The following ROR1 variants were observed in gnomAD, a reference collection of about 807,000 sequenced individuals.
ROR1 encodes inactive tyrosine-protein kinase transmembrane receptor ROR1.
Under a neutral mutation model 78.8 loss-of-function variants are expected in ROR1, and 19 were observed. That is an observed-to-expected ratio of 0.24 (90% CI 0.17 to 0.35). The LOEUF (loss-of-function observed/expected upper bound fraction) is 0.35, where lower values mean the gene tolerates loss of function less well. ROR1 is among the 10% of genes least tolerant of loss of function. ROR1 has a pLI of 1.00. For missense variants in ROR1, 917 were observed against 1,177.8 expected (o/e 0.78, Z 3.24); for synonymous variants, 386 against 433.6 (o/e 0.89, Z 1.36).
chr1:63,856,439 G>A (rs1421782415), intron 1 of ROR1, among the ~76,000 whole-genome samples: 1 of 152,100 alleles, frequency 6.6e-6, no homozygotes, highest in African/African-American at 2.4e-5. Context: ...CCCAGTGCTG[G>A]GTAGTTGCCA....
At chr1:64,010,591 ATT>A (rs2100544571) in intron 2 of ROR1, among the ~76,000 whole-genome samples, 1 of 152,264 alleles carries the variant, frequency 6.6e-6, no homozygotes, top group East Asian at 1.9e-4. Flanking sequence ...CTCAAAAGTC[ATT>A]GTCATAAATG....
intron 2 of ROR1, among the ~76,000 whole-genome samples, chr1:64,048,282 A>G (rs757873591): frequency 1.3e-5 from 2 of 152,208 alleles, no homozygotes; most frequent in Non-Finnish European, 2.9e-5. Context: ...GCCATGTTTC[A>G]TGCATTCAGT....
chr1:64,131,234 T>A (rs1382474700), intron 4 of ROR1, among the ~76,000 whole-genome samples: 1 of 152,104 alleles, frequency 6.6e-6, no homozygotes, highest in Admixed American at 6.6e-5. Flanking sequence ...AAACAGGGTG[T>A]ATGAAAGGGG....
chr1:64,085,212 C>T (rs944489304), intron 4 of ROR1, among the ~76,000 whole-genome samples: 3 of 152,138 alleles, frequency 2.0e-5, no homozygotes, highest in Non-Finnish European at 4.4e-5. Context: ...TGTAAAAGTG[C>T]CAAAGCAATA....
chr1:63,831,885 T>C lies in ROR1; in HGVS notation c.91+57377T>C, dbSNP rs189557342. Among the ~76,000 whole-genome samples, 223 of 152,370 alleles carry C rather than the reference T, an allele frequency of 1.5e-3. 3 individuals carry two copies. Among genetic ancestry groups the C allele is most frequent in the African/African-American group, 4.5e-3 (188 of 41,592 alleles). On this transcript the variant is annotated intron_variant, in intron 1 of 8. Coordinates refer to ENST00000371079, the MANE Select transcript of ROR1 (RefSeq NM_005012.4). ...ATTTCAGACCATCTGTCTGTGAATG[T>C]CTATGACTGTATGCTTTCAGAAAAA...
intron 1 of ROR1, among the ~76,000 whole-genome samples, chr1:63,795,223 G>GCAAGA (rs1644752991): frequency 6.6e-6 from 1 of 152,210 alleles, no homozygotes; most frequent in Admixed American, 6.5e-5. Flanking sequence ...GGCTCTTGTG[G>GCAAGA]CTTTGGAGCT....
intron 1 of ROR1, among the ~76,000 whole-genome samples, chr1:64,001,910 A>G (rs941456762): frequency 6.6e-6 from 1 of 152,020 alleles, no homozygotes; most frequent in Non-Finnish European, 1.5e-5. Context: ...TTTTCTTTCC[A>G]TCTCAGCTAT....
chr1:64,149,706 C>T (rs1569856128), intron 7 of ROR1, among the ~76,000 whole-genome samples: 2 of 152,210 alleles, frequency 1.3e-5, no homozygotes, highest in African/African-American at 4.8e-5. Flanking sequence ...TATGCTTTCA[C>T]CTTTTGTTGT....
At chr1:64,047,242 G>T (rs1646791634) in intron 2 of ROR1, among the ~76,000 whole-genome samples, 1 of 152,122 alleles carries the variant, frequency 6.6e-6, no homozygotes, top group Non-Finnish European at 1.5e-5. Flanking sequence ...TGTGAAAAGT[G>T]GTATACAGAA....
At position 64,109,034 on chromosome 1, in the gene ROR1, C is replaced by T. The variant is rs531899823; in HGVS notation, c.483-28335C>T. The stretch of plus-strand genomic sequence containing the variant: ...AGTCTCTAGAGCTTGGGCCAGGAAT[C>T]GGAATGCAAAAGAAGCTCCACAGGT... On this transcript the variant is annotated intron_variant, in intron 4 of 8. Coordinates refer to ENST00000371079, the MANE Select transcript of ROR1 (RefSeq NM_005012.4). 7.2e-5 allele frequency among the ~76,000 whole-genome samples: 11 copies of T among 152,244 alleles called. No homozygotes were observed. In the East Asian group the frequency reaches 1.4e-3, roughly 19 times the overall value.
At chr1:63,963,696 G>A (rs7541824) in intron 1 of ROR1, among the ~76,000 whole-genome samples, 50,104 of 151,972 alleles carry the variant, frequency 0.33, 12,462 homozygotes, top group African/African-American at 0.71. Flanking sequence ...GCTCCTTTAC[G>A]GATAGGTGTG....
rs986756579 is a variant in ROR1 at position 64,067,710 on chromosome 1, C to CTTTT, written c.482+17011_482+17014dup. Among the ~76,000 whole-genome samples the CTTTT allele has an allele frequency of 4.9e-4, 52 of 105,636 alleles. 2 individuals are homozygous for CTTTT. The highest frequency in any genetic ancestry group is 8.0e-4 in the Non-Finnish European group (44 of 54,682). 69.3% of individuals were successfully genotyped at this position (105,636 alleles called of 152,430 possible). A position where few individuals can be genotyped will look rare whatever the true frequency, so the allele number is the denominator to read the frequency against. ...TATTTCTATCCAAGTTAAATAAATT[C>CTTTT]TTTTTTTTTTTTTTTTTTTTGAGAC... On this transcript the variant is annotated intron_variant, in intron 4 of 8. Transcript: ENST00000371079.
At chr1:63,847,912 C>T (rs1645091500) in intron 1 of ROR1, among the ~76,000 whole-genome samples, 1 of 152,166 alleles carries the variant, frequency 6.6e-6, no homozygotes, top group South Asian at 2.1e-4. Flanking sequence ...AAGATCGTGT[C>T]TTCAAGTTAT....
chr1:63,948,150 T>C (rs1386258290), intron 1 of ROR1, among the ~76,000 whole-genome samples: 1 of 152,148 alleles, frequency 6.6e-6, no homozygotes, highest in African/African-American at 2.4e-5. Context: ...CACACTGTTC[T>C]AGACCTGTGC....
intron 1 of ROR1, among the ~76,000 whole-genome samples, chr1:64,009,096 A>G (rs1242196363): frequency 1.3e-5 from 2 of 152,152 alleles, no homozygotes; most frequent in East Asian, 3.9e-4. Flanking sequence ...AATCTGGCCA[A>G]TAGATTGTTC....
chr1:63,918,938 G>A lies in ROR1; in HGVS notation c.92-90367G>A, dbSNP rs1645631727. Among the ~76,000 whole-genome samples the A allele has an allele frequency of 2.0e-5, 3 of 152,276 alleles. No individual in the cohort carries two copies. The South Asian group carries it at 6.2e-4, about 32-fold the overall frequency. ...CTTTAACCATTCATCTTTTTAAAAAGATAAGTTTGCTAAGCAAATAAAACC... is the reference window on the plus strand; with the variant it reads ...CTTTAACCATTCATCTTTTTAAAAAAATAAGTTTGCTAAGCAAATAAAACC... On this transcript the variant is annotated intron_variant, in intron 1 of 8. Coordinates refer to ENST00000371079, the MANE Select transcript of ROR1 (RefSeq NM_005012.4).
At chr1:64,122,746 TCTC>T (rs1474615897) in intron 4 of ROR1, among the ~76,000 whole-genome samples, 2 of 152,288 alleles carry the variant, frequency 1.3e-5, no homozygotes, top group East Asian at 1.9e-4. Context: ...CCTGGAATCT[TCTC>T]CTCTCCAGGC....
At chr1:64,123,413 C>T (rs530605035) in intron 4 of ROR1, among the ~76,000 whole-genome samples, 1 of 152,284 alleles carries the variant, frequency 6.6e-6, no homozygotes, top group Admixed American at 6.5e-5. Flanking sequence ...TAGAAAAGAA[C>T]ACTGTGCCTG....
intron 1 of ROR1, among the ~76,000 whole-genome samples, chr1:63,908,027 T>C (rs1645541862): frequency 6.6e-6 from 1 of 152,184 alleles, no homozygotes; most frequent in Non-Finnish European, 1.5e-5. Context: ...ATCTAATGCA[T>C]AGATAATGCA....
Sources: allele counts gnomAD v4.1 joint callset (sites outside exome capture counted in the v4.1 genomes callset), GRCh38; gene constraint gnomAD v4.1.1; transcripts MANE v1.5; gene names NCBI Gene and HGNC (gene_info 2026-07-23, HGNC 2026-07-21).